Variants in MYRIP observed in about 807,000 individuals in gnomAD.
MYRIP encodes the protein myosin VIIA and Rab interacting protein, also known as rab effector MyRIP.
Under a neutral mutation model 98.0 loss-of-function variants are expected in MYRIP, and 49 were observed. That is an observed-to-expected ratio of 0.50 (90% CI 0.40 to 0.63). The LOEUF (loss-of-function observed/expected upper bound fraction) is 0.63. MYRIP is among the 30% of genes least tolerant of loss of function. The pLI is 0.00. For missense variants in MYRIP, 1,004 were observed against 1,058.2 expected (o/e 0.95, Z 0.71); for synonymous variants, 404 against 409.5 (o/e 0.99, Z 0.16).
In MYRIP at chr3:40,003,903, C is replaced by T. The variant is rs1030364993; in HGVS notation, c.111-40147C>T. Among the ~76,000 whole-genome samples, 5 of 152,184 alleles carry T rather than the reference C, an allele frequency of 3.3e-5. 1 individual carries two copies. Among genetic ancestry groups the T allele is most frequent in the Admixed American group, 2.6e-4 (4 of 15,272 alleles). ...TGCTCAGGGCCAGGTAAGTCCTACA[C>T]AGCAGATTCAGCCTGAGCCTATCTG... On this transcript the variant is annotated intron_variant, in intron 2 of 16. Coordinates refer to ENST00000302541, the MANE Select transcript of MYRIP (RefSeq NM_015460.4).
chr3:40,227,812 C>T (rs375042996), intron 11 of MYRIP, among the ~76,000 whole-genome samples: 22 of 152,312 alleles, frequency 1.4e-4, no homozygotes, highest in African/African-American at 5.3e-4. Context: ...ACTCTGGACC[C>T]AGACACTGGG....
chr3:40,231,398 C>G (rs954301760), intron 11 of MYRIP, among the ~76,000 whole-genome samples: 32 of 152,214 alleles, frequency 2.1e-4, no homozygotes, highest in African/African-American at 7.2e-4. Context: ...TGGAACAGAG[C>G]TGGCACACCA....
intron 1 of MYRIP, among the ~76,000 whole-genome samples, chr3:39,855,550 G>T (rs147121573): frequency 6.6e-6 from 1 of 152,110 alleles, no homozygotes; most frequent in Non-Finnish European, 1.5e-5. Context: ...GGCCAATGGG[G>T]TTATGTTCCA....
intron 1 of MYRIP, among the ~76,000 whole-genome samples, chr3:39,891,626 A>G (rs1043814677): frequency 5.9e-5 from 9 of 152,142 alleles, no homozygotes; most frequent in African/African-American, 1.9e-4. Flanking sequence ...AATACATTAC[A>G]GTCTACTTTT....
intron 2 of MYRIP, among the ~76,000 whole-genome samples, chr3:39,901,765 T>C (rs771888526): frequency 6.6e-6 from 1 of 152,166 alleles, no homozygotes; most frequent in African/African-American, 2.4e-5. Context: ...CAGTTTTAAA[T>C]CAATTAATTA....
chr3:40,205,144 GC>G (rs1355298746), intron 10 of MYRIP, among the ~76,000 whole-genome samples: 1 of 152,120 alleles, frequency 6.6e-6, no homozygotes, highest in Non-Finnish European at 1.5e-5. Context: ...TGATTCTGCT[GC>G]CCCATATCAT....
chr3:40,022,467 T>C (rs1947019108), intron 2 of MYRIP, among the ~76,000 whole-genome samples: 1 of 152,188 alleles, frequency 6.6e-6, no homozygotes, highest in South Asian at 2.1e-4. Context: ...GACACAGGCA[T>C]GCACAGGGAT....
At chr3:39,924,534 A>G (rs988072681) in intron 2 of MYRIP, among the ~76,000 whole-genome samples, 1 of 152,120 alleles carries the variant, frequency 6.6e-6, no homozygotes. Flanking sequence ...ACAGTTAGAG[A>G]TGGAGACTTC....
chr3:40,132,404 T>G (rs1391265741), intron 3 of MYRIP, among the ~76,000 whole-genome samples: 1 of 130,998 alleles, frequency 7.6e-6, no homozygotes, highest in Non-Finnish European at 1.7e-5. Context: ...CAAAAGACAC[T>G]CTGCTTTTGC....
intron 5 of MYRIP, chr3:40,163,075 C>G (rs527741482): frequency 2.9e-6 from 1 of 349,922 alleles, no homozygotes; most frequent in South Asian, 4.9e-5. Flanking sequence ...AAATATTCTT[C>G]TGGAGTTGGA....
chr3:40,112,580 T>A (rs1466552396), intron 3 of MYRIP, among the ~76,000 whole-genome samples: 1 of 152,240 alleles, frequency 6.6e-6, no homozygotes, highest in Admixed American at 6.5e-5. Flanking sequence ...TGGCCATCGG[T>A]GAGCCTGAGC....
intron 2 of MYRIP, among the ~76,000 whole-genome samples, chr3:40,002,364 A>G (rs201624972): frequency 6.6e-5 from 10 of 151,998 alleles, no homozygotes; most frequent in Admixed American, 6.6e-4. Context: ...GTGAAACCCC[A>G]TCTCTACTAA....
In MYRIP at chr3:39,994,180, G is replaced by A. The variant is rs1185616281; in HGVS notation, c.111-49870G>A. Among the ~76,000 whole-genome samples the A allele has an allele frequency of 2.0e-5, 3 of 152,188 alleles. 1 individual carries two copies. The highest frequency in any genetic ancestry group is 4.1e-4 in the South Asian group (2 of 4,826). On this transcript the variant is annotated intron_variant, in intron 2 of 16. Coordinates refer to ENST00000302541, the MANE Select transcript of MYRIP (RefSeq NM_015460.4). ...TGGGTTCATCTCACTGGGGAGTGTC[G>A]GACAGTGGGTGCAGGACAGTGGGTG...
chr3:40,174,372 T>C (rs1291667425), intron 8 of MYRIP: 1 of 152,264 alleles, frequency 6.6e-6, no homozygotes, highest in Non-Finnish European at 1.5e-5. Flanking sequence ...AGCATACTTT[T>C]GTCAACAATA....
At chr3:39,955,312 G>T (rs1945128069) in intron 2 of MYRIP, among the ~76,000 whole-genome samples, 1 of 152,208 alleles carries the variant, frequency 6.6e-6, no homozygotes, top group South Asian at 2.1e-4. Context: ...AAGCCCATCA[G>T]ACTAACAATG....
At chr3:39,817,221 G>C (rs1426099678) in intron 1 of MYRIP, among the ~76,000 whole-genome samples, 1 of 152,202 alleles carries the variant, frequency 6.6e-6, no homozygotes, top group East Asian at 1.9e-4. Flanking sequence ...ATTGCTGACA[G>C]CCCTAAACCT....
chr3:39,918,212 C>A (rs1944214677), intron 2 of MYRIP, among the ~76,000 whole-genome samples: 2 of 152,306 alleles, frequency 1.3e-5, no homozygotes, highest in South Asian at 4.1e-4. Flanking sequence ...CCGCGCCCGG[C>A]CCTGACTTCC....
intron 13 of MYRIP, among the ~76,000 whole-genome samples, chr3:40,246,479 C>A (rs1050160361): frequency 6.6e-6 from 1 of 152,154 alleles, no homozygotes; most frequent in Non-Finnish European, 1.5e-5. Flanking sequence ...AGGAAGCAGT[C>A]AAATATGCAT....
chr3:39,914,680 ACATATCCTC>A (rs1944111872), intron 2 of MYRIP, among the ~76,000 whole-genome samples: 1 of 152,136 alleles, frequency 6.6e-6, no homozygotes, highest in Non-Finnish European at 1.5e-5. Context: ...AGAAGGAGGA[ACATATCCTC>A]CCAAAGATGA....
Sources: allele counts gnomAD v4.1 joint callset (sites outside exome capture counted in the v4.1 genomes callset), GRCh38; gene constraint gnomAD v4.1.1; transcripts MANE v1.5; gene names NCBI Gene and HGNC (gene_info 2026-07-23, HGNC 2026-07-21).